The following MATN2 variants were observed in gnomAD, a reference collection of about 807,000 sequenced individuals.
The protein encoded by MATN2 is matrilin 2.
In MATN2, 69 loss-of-function variants were observed where a neutral mutation model predicts 103.2. That is an observed-to-expected ratio of 0.67 (90% CI 0.55 to 0.82). The LOEUF is 0.82. Among genes scored for constraint, MATN2 ranks in the 40% least tolerant of loss-of-function variants. The pLI, the probability that MATN2 is intolerant of heterozygous loss-of-function variation, is 0.00. For missense variants in MATN2, 1,023 were observed against 1,211.5 expected (o/e 0.84, Z 2.31); for synonymous variants, 429 against 450.2 (o/e 0.95, Z 0.60).
At chr8:97,873,074 C>T (rs1414522834) in intron 1 of MATN2, among the ~76,000 whole-genome samples, 4 of 152,280 alleles carry the variant, frequency 2.6e-5, no homozygotes, top group East Asian at 3.9e-4. Flanking sequence ...GGATCACATG[C>T]GTGAGCCAAC....
chr8:98,007,462 G>A lies in MATN2; in HGVS notation c.1451-17G>A. On this transcript the variant is annotated splice_polypyrimidine_tract_variant and intron_variant, in intron 9 of 18. Transcript: ENST00000254898. This position sits in a 1 kb window ranked among gnomAD's most constrained non-coding sequence, Gnocchi z 4.2. ...AGGTCTCACTGATAAAGGGCTGCCT[G>A]GCTTTTGGTTTTGCAGGGGTGGATT... 6.2e-7 allele frequency: 1 copy of A among 1,606,362 alleles called. No individual in the cohort carries two copies. The highest frequency in any genetic ancestry group is 1.1e-5 in the South Asian group (1 of 90,926).
chr8:98,028,040 C>T (rs1299074357), intron 14 of MATN2, among the ~76,000 whole-genome samples: 1 of 152,174 alleles, frequency 6.6e-6, no homozygotes, highest in Non-Finnish European at 1.5e-5. Context: ...AGGAGTCTGG[C>T]TACTAGAAGG....
intron 1 of MATN2, 33 bp from the exon 2 acceptor site, chr8:97,888,042 C>G: frequency 1.3e-6 from 2 of 1,580,004 alleles, no homozygotes; most frequent in Non-Finnish European, 1.7e-6. Context: ...GGAAATCTCA[C>G]CCTGCCCTCT....
chr8:97,945,702 A>C, intron 4 of MATN2, among the ~76,000 whole-genome samples: 1 of 40,986 alleles, frequency 2.4e-5, no homozygotes. Context: ...CATACACACT[A>C]TAGAAAAAAA....
chr8:97,980,204 C>G (rs187043495), intron 6 of MATN2, among the ~76,000 whole-genome samples: 14 of 152,178 alleles, frequency 9.2e-5, no homozygotes, highest in African/African-American at 2.4e-4. Context: ...ACTGTAGTCT[C>G]CATGCCCCGT....
intron 5 of MATN2, among the ~76,000 whole-genome samples, chr8:97,968,025 GC>G (rs1489980034): frequency 6.6e-6 from 1 of 152,240 alleles, no homozygotes; most frequent in Non-Finnish European, 1.5e-5. Flanking sequence ...CTGTGTGCCT[GC>G]AGACTTAACA....
At position 98,035,838 on chromosome 8, in the gene MATN2, A is replaced by T. The variant is rs1224189394; in HGVS notation, c.*126A>T. On this transcript the variant is annotated 3_prime_UTR_variant, in exon 19 of 19. Coordinates refer to ENST00000254898, the MANE Select transcript of MATN2 (RefSeq NM_002380.5). ...GTGAAGTAAAACAATCAGTACTGAGAAACCTGGTTTGCCACAGAACAAAGA... is the reference window on the plus strand; with the variant it reads ...GTGAAGTAAAACAATCAGTACTGAGTAACCTGGTTTGCCACAGAACAAAGA... 2.0e-6 allele frequency: 1 copy of T among 506,882 alleles called. No individual in the cohort carries two copies. The allele number at this position is 506,882 out of a possible 1,614,324, so 31.4% of individuals were successfully genotyped here.
In MATN2 at chr8:98,027,775, G is replaced by A. The variant is rs1457258428; in HGVS notation, c.2302G>A (p.Asp768Asn). ...RVPRAAIVFT[D>N]GRAQDDVSEW... ...GCCCAGAGCAGCCATTGTGTTCACC[G>A]ACGGACGGGCTCAGGATGACGTCTC... The change falls in exon 14 of 19, where the codon GAC becomes AAC. Residue 768 changes from aspartate (D) to asparagine (N), a missense_variant. Physicochemically the swap from Asp to Asn is conservative, Grantham distance 23 (BLOSUM62 1). Coordinates refer to ENST00000254898, the MANE Select transcript of MATN2 (RefSeq NM_002380.5). 8 of 1,605,338 alleles carry A rather than the reference G, an allele frequency of 5.0e-6. No individual in the cohort carries two copies. The highest frequency in any genetic ancestry group is 2.2e-5 in the East Asian group (1 of 44,786).
chr8:97,998,391 G>A (rs763916182), intron 7 of MATN2, among the ~76,000 whole-genome samples: 6 of 150,098 alleles, frequency 4.0e-5, no homozygotes, highest in South Asian at 2.1e-4. Flanking sequence ...GCTTGGTGGC[G>A]GGCGCCTGTA....
At chr8:97,877,859 T>C (rs1818126079) in intron 1 of MATN2, among the ~76,000 whole-genome samples, 1 of 152,254 alleles carries the variant, frequency 6.6e-6, no homozygotes, top group Non-Finnish European at 1.5e-5. Flanking sequence ...TCAAGAAGTC[T>C]GGAGACAGTG....
At chr8:97,987,815 G>T (rs1812245602) in intron 6 of MATN2, among the ~76,000 whole-genome samples, 1 of 151,750 alleles carries the variant, frequency 6.6e-6, no homozygotes, top group South Asian at 2.1e-4. Context: ...AAGAGAGAGG[G>T]AATAATAAAG....
intron 14 of MATN2, among the ~76,000 whole-genome samples, chr8:98,028,818 A>T (rs943935854): frequency 2.6e-5 from 4 of 152,100 alleles, no homozygotes; most frequent in Non-Finnish European, 5.9e-5. Context: ...CGATCTCCTG[A>T]CCTCATGATC....
At chr8:97,869,596 C>G (rs151210162) in intron 1 of MATN2, among the ~76,000 whole-genome samples, 1 of 152,216 alleles carries the variant, frequency 6.6e-6, no homozygotes, top group South Asian at 2.1e-4. Context: ...AGCGGGGACG[C>G]CCAGACCCCG....
chr8:97,985,348 C>T (rs1162654807), intron 6 of MATN2, among the ~76,000 whole-genome samples: 1 of 152,112 alleles, frequency 6.6e-6, no homozygotes, highest in African/African-American at 2.4e-5. Context: ...CCACCATGAC[C>T]CAAAAACCTC....
In MATN2 at chr8:98,007,571, G is replaced by A. The variant is rs372608950; in HGVS notation, c.1543G>A (p.Val515Met). 59 of 1,612,550 alleles carry A rather than the reference G, an allele frequency of 3.7e-5. No homozygotes were observed. Among genetic ancestry groups the A allele is most frequent in the Admixed American group, 6.7e-5 (4 of 59,982 alleles). The change falls in exon 10 of 19, where the codon GTG becomes ATG. Residue 515 changes from valine to methionine, a missense_variant. Coordinates refer to ENST00000254898, the MANE Select transcript of MATN2 (RefSeq NM_002380.5). The surrounding 1 kb of genome is among the most constrained non-coding windows in gnomAD (Gnocchi z 4.2). The part of the protein sequence containing the change: ...SFACQCPEGH[V>M]LRSDGKTCAK... ...TGCCTGTCAGTGTCCTGAGGGACAC[G>A]TGCTCCGCAGCGATGGGAAGACGTG...
intron 2 of MATN2, among the ~76,000 whole-genome samples, chr8:97,914,044 G>T (rs937030082): frequency 2.0e-5 from 3 of 152,220 alleles, no homozygotes; most frequent in African/African-American, 7.2e-5. Flanking sequence ...TTGGGATTAA[G>T]TCCAGGGTTA....
intron 2 of MATN2, among the ~76,000 whole-genome samples, chr8:97,901,594 TGA>T (rs1311410615): frequency 2.6e-5 from 4 of 152,188 alleles, no homozygotes; most frequent in African/African-American, 9.6e-5. Flanking sequence ...GGGTAATCAT[TGA>T]TTCATCCATT....
intron 6 of MATN2, 53 bp from the exon 7 acceptor site, chr8:97,994,427 A>G (rs1258220749): frequency 2.6e-6 from 4 of 1,567,072 alleles, no homozygotes; most frequent in East Asian, 4.5e-5. Flanking sequence ...TGGTTTTCCT[A>G]TGCTAGCTTT....
At chr8:97,960,026 T>C (rs1811254541) in intron 4 of MATN2, among the ~76,000 whole-genome samples, 1 of 151,594 alleles carries the variant, frequency 6.6e-6, no homozygotes, top group Non-Finnish European at 1.5e-5. Flanking sequence ...CTCGGCTCAC[T>C]GCAACCTCCA....
Sources: allele counts gnomAD v4.1 joint callset (sites outside exome capture counted in the v4.1 genomes callset), GRCh38; gene constraint gnomAD v4.1.1; non-coding constraint Gnocchi (gnomAD v3.1); transcripts MANE v1.5; gene names NCBI Gene and HGNC (gene_info 2026-07-23, HGNC 2026-07-21).